Variants in COL4A3 observed in about 807,000 individuals in gnomAD.
The protein encoded by COL4A3 is collagen type IV alpha 3 chain.
A neutral mutation model predicts 217.4 loss-of-function variants in COL4A3; 135 were observed. The ratio of observed to expected loss-of-function variants is 0.62; its 90% CI spans 0.54 to 0.72. COL4A3 has a LOEUF of 0.72. Among genes scored for constraint, COL4A3 ranks in the 30% least tolerant of loss-of-function variants. The pLI is 0.00. For synonymous variants in COL4A3, 690 were observed against 736.3 expected, an observed-to-expected ratio of 0.94 and a Z score of 1.02; for missense variants, 1,868 against 2,119.9, an observed-to-expected ratio of 0.88 and a Z score of 2.33.
chr2:227,200,719 A>G (rs1380527575), intron 1 of COL4A3, among the ~76,000 whole-genome samples: 1 of 152,228 alleles, frequency 6.6e-6, no homozygotes, highest in Non-Finnish European at 1.5e-5. Flanking sequence ...CAAGCATCTT[A>G]GTTCTCTGTG....
chr2:227,252,455 A>G (rs1253458722), intron 11 of COL4A3, among the ~76,000 whole-genome samples: 2 of 151,850 alleles, frequency 1.3e-5, no homozygotes, highest in Admixed American at 6.6e-5. Context: ...ACCTCAGGTG[A>G]TCCGCCCGCC....
chr2:227,232,626 A>AT (rs769650353), intron 1 of COL4A3, among the ~76,000 whole-genome samples: 33 of 152,054 alleles, frequency 2.2e-4, no homozygotes, highest in Non-Finnish European at 4.0e-4. Context: ...ATGATCAATG[A>AT]TTTTGAGCAC....
At chr2:227,221,969 C>G (rs1308600605) in intron 1 of COL4A3, among the ~76,000 whole-genome samples, 4 of 147,466 alleles carry the variant, frequency 2.7e-5, no homozygotes, top group Non-Finnish European at 4.5e-5. Flanking sequence ...GATCATTTAA[C>G]TCAGCATCCT....
chr2:227,167,801 G>GA (rs200273460), intron 1 of COL4A3, among the ~76,000 whole-genome samples: 7,936 of 148,970 alleles, frequency 0.053, 247 homozygotes, highest in Admixed American at 0.094. Flanking sequence ...CTACCTTTAG[G>GA]AAAAAAAAAA....
chr2:227,293,799 C>T (rs1458176158), intron 38 of COL4A3: 1 of 470,894 alleles, frequency 2.1e-6, no homozygotes, highest in Non-Finnish European at 4.4e-6. Flanking sequence ...TCTTGTGGGG[C>T]CCCTGTTCTT....
chr2:227,236,313 G>A (rs1461400530), intron 1 of COL4A3, among the ~76,000 whole-genome samples: 1 of 152,216 alleles, frequency 6.6e-6, no homozygotes, highest in African/African-American at 2.4e-5. Context: ...CATGATGAGT[G>A]TCAAATGATG....
intron 1 of COL4A3, among the ~76,000 whole-genome samples, chr2:227,219,125 G>C (rs1384872769): frequency 6.6e-6 from 1 of 152,050 alleles, no homozygotes; most frequent in African/African-American, 2.4e-5. Context: ...CTCCCAAGTA[G>C]CTGGGATTAC....
At chr2:227,279,245 G>A (rs959460564) in intron 28 of COL4A3, among the ~76,000 whole-genome samples, 2 of 134,122 alleles carry the variant, frequency 1.5e-5, no homozygotes, top group Non-Finnish European at 3.4e-5. Context: ...TGCCTGGCTA[G>A]TTTTTTTGTT....
intron 1 of COL4A3, among the ~76,000 whole-genome samples, chr2:227,224,750 C>T (rs1411659547): frequency 1.6e-4 from 19 of 121,912 alleles, no homozygotes; most frequent in Admixed American, 3.3e-4. Context: ...AGTGAAACTC[C>T]ATCTCAAAGA....
rs2070743133 is a variant in COL4A3 at position 227,263,957 on chromosome 2, A to G, written c.1315+13A>G. 20 of 1,613,988 alleles carry G rather than the reference A, an allele frequency of 1.2e-5. No homozygotes were observed. In the East Asian group the frequency reaches 4.5e-4, roughly 36 times the overall value. Reference sequence around the variant, plus strand: ...CCAGGACCGCCAGGTAAAGATGTGGAAGGGGACCCCTTTTGTGCACAGTGC... The same window carrying G: ...CCAGGACCGCCAGGTAAAGATGTGGGAGGGGACCCCTTTTGTGCACAGTGC... On this transcript the variant is annotated intron_variant, in intron 21 of 51. Transcript: ENST00000396578.
chr2:227,231,717 A>G (rs545952395), intron 1 of COL4A3, among the ~76,000 whole-genome samples: 2 of 152,238 alleles, frequency 1.3e-5, no homozygotes, highest in Admixed American at 1.3e-4. Flanking sequence ...TTCTTTGTAG[A>G]GATGGGGTTT....
At chr2:227,245,669 T>C in intron 5 of COL4A3, 1 of 485,758 alleles carries the variant, frequency 2.1e-6, no homozygotes, top group Non-Finnish European at 3.7e-6. Context: ...CCTTCCTTTC[T>C]CCCCAGCTTA....
Position 227,253,402 on chromosome 2 carries a change from T to C in COL4A3, c.687+65T>C, listed in dbSNP as rs771402373. ...TTATGTCCCAGAGCATATCAGCCTATACCGTTTACTTACGGGCCAAGCTGA... is the reference window on the plus strand; with the variant it reads ...TTATGTCCCAGAGCATATCAGCCTACACCGTTTACTTACGGGCCAAGCTGA... On this transcript the variant is annotated intron_variant, in intron 12 of 51. Transcript: ENST00000396578. The surrounding 1 kb of genome is among the most constrained non-coding windows in gnomAD (Gnocchi z 4.4). 6.4e-7 allele frequency: 1 copy of C among 1,555,296 alleles called. No homozygotes were observed. The highest frequency in any genetic ancestry group is 1.1e-5 in the South Asian group (1 of 89,844).
At chr2:227,171,103 A>G (rs1243432074) in intron 1 of COL4A3, among the ~76,000 whole-genome samples, 4 of 152,234 alleles carry the variant, frequency 2.6e-5, no homozygotes, top group African/African-American at 7.2e-5. Context: ...GAATACCCAC[A>G]TAAAGACCAT....
In COL4A3 at chr2:227,224,874, T is replaced by C. The variant is rs143641888; in HGVS notation, c.88-13094T>C. 2.2e-3 allele frequency among the ~76,000 whole-genome samples: 332 copies of C among 152,364 alleles called. 4 individuals carry two copies. In the East Asian group the frequency reaches 0.049, roughly 22 times the overall value. ...TATTGCTCTGAATGAATTTTCTTTT[T>C]TGTTATTAATTTTTATGTTTAGAAA... On this transcript the variant is annotated intron_variant, in intron 1 of 51. Coordinates refer to ENST00000396578, the MANE Select transcript of COL4A3 (RefSeq NM_000091.5).
chr2:227,220,772 G>A (rs886568479), intron 1 of COL4A3, among the ~76,000 whole-genome samples: 5 of 152,180 alleles, frequency 3.3e-5, no homozygotes, highest in Admixed American at 1.3e-4. Context: ...CCATAAGGCA[G>A]TTTTATATGA....
In COL4A3 at chr2:227,314,304, G is replaced by A. The variant is rs149217054; in HGVS notation, c.*2434G>A. The A allele has an allele frequency of 6.5e-6, 1 of 152,744 alleles. No individual in the cohort carries two copies. The highest frequency in any genetic ancestry group is 1.5e-5 in the Non-Finnish European group (1 of 68,032). The allele number at this position is 152,744 out of a possible 1,614,324, so 9.5% of individuals were successfully genotyped here. A position where few individuals can be genotyped will look rare whatever the true frequency, so the allele number is the denominator to read the frequency against. Reference sequence around the variant, plus strand: ...ATGAAGCCATATGAACAGCTGTTCAGTTGCACTTCTAAGACTTTACTTAGC... The same window carrying A: ...ATGAAGCCATATGAACAGCTGTTCAATTGCACTTCTAAGACTTTACTTAGC... On this transcript the variant is annotated 3_prime_UTR_variant, in exon 52 of 52. Coordinates refer to ENST00000396578, the MANE Select transcript of COL4A3 (RefSeq NM_000091.5).
intron 1 of COL4A3, among the ~76,000 whole-genome samples, chr2:227,188,070 C>CTTTAAAAAATTTAACTACT (rs754072718): frequency 0.01 from 1,582 of 152,170 alleles, 46 homozygotes; most frequent in Admixed American, 0.062. Flanking sequence ...GAACAACATC[C>CTTTAAAAAATTTAACTACT]CCGAACTACT....
chr2:227,290,156 T>G, intron 36 of COL4A3, 68 bp downstream of exon 36: 1 of 1,477,122 alleles, frequency 6.8e-7, no homozygotes, highest in Non-Finnish European at 9.5e-7. Context: ...TTTTCTGTGT[T>G]GTGTACTGTT....
Sources: gnomAD v4.1 joint callset for allele counts (sites outside exome capture counted in the v4.1 genomes callset) on GRCh38, gnomAD v4.1.1 for gene constraint, Gnocchi (gnomAD v3.1) non-coding constraint, MANE v1.5 for transcripts, NCBI Gene and HGNC (gene_info 2026-07-23, HGNC 2026-07-21) for gene names.